Variants in MSI2 observed in about 807,000 individuals in gnomAD.
The protein encoded by MSI2 is musashi RNA binding protein 2, also known as RNA-binding protein Musashi homolog 2.
Under a neutral mutation model 45.6 loss-of-function variants are expected in MSI2, and 17 were observed. The ratio of observed to expected loss-of-function variants is 0.37; its 90% confidence interval spans 0.26 to 0.56. The LOEUF is 0.56. MSI2 is among the 20% of genes least tolerant of loss of function. The pLI, the probability that MSI2 is intolerant of heterozygous loss-of-function variation, is 0.77. For synonymous variants in MSI2, 156 were observed against 158.2 expected (o/e 0.99, Z 0.11); for missense variants, 293 against 444.2 (o/e 0.66, Z 3.06).
At chr17:57,477,977 C>T (rs907828607) in intron 6 of MSI2, among the ~76,000 whole-genome samples, 2 of 152,182 alleles carry the variant, frequency 1.3e-5, no homozygotes, top group African/African-American at 4.8e-5. Context: ...CTCTCTTCTC[C>T]CCACTGCTAG....
intron 6 of MSI2, among the ~76,000 whole-genome samples, chr17:57,443,900 CA>C (rs1402835151): frequency 6.6e-6 from 1 of 152,128 alleles, no homozygotes; most frequent in Non-Finnish European, 1.5e-5. Flanking sequence ...TCTTCCTTAC[CA>C]AAAACTGGGC....
At chr17:57,539,592 T>A (rs192928470) in intron 7 of MSI2, among the ~76,000 whole-genome samples, 9 of 9,734 alleles carry the variant, frequency 9.2e-4, no homozygotes, top group Middle Eastern at 0.12. Context: ...CTCAGGAGGC[T>A]GAGGCAGGAA....
Position 57,270,947 on chromosome 17 carries a change from A to G in MSI2, c.312+8755A>G, listed in dbSNP as rs554924405. 1.3e-3 allele frequency among the ~76,000 whole-genome samples: 204 copies of G among 152,334 alleles called. 1 individual carries two copies. The highest frequency in any genetic ancestry group is 2.1e-3 in the Non-Finnish European group (142 of 68,032). Reference sequence around the variant, plus strand: ...GTCCTGGCTCTCGAGGCGAGATAGCATGCAGCCTTTATCTTGGGGATGCTT... The same window carrying G: ...GTCCTGGCTCTCGAGGCGAGATAGCGTGCAGCCTTTATCTTGGGGATGCTT... On this transcript the variant is annotated intron_variant, in intron 5 of 13. Transcript: ENST00000284073.
intron 6 of MSI2, among the ~76,000 whole-genome samples, chr17:57,454,013 A>G (rs2085065971): frequency 6.6e-6 from 1 of 152,210 alleles, no homozygotes; most frequent in Non-Finnish European, 1.5e-5. Flanking sequence ...GTGTGCTATT[A>G]CCCACCTGTT....
chr17:57,517,852 C>T (rs1355922919), intron 6 of MSI2, among the ~76,000 whole-genome samples: 1 of 152,100 alleles, frequency 6.6e-6, no homozygotes, highest in South Asian at 2.1e-4. Context: ...CAGAGTCCAC[C>T]TCCCATCAGA....
chr17:57,359,005 C>T (rs792378), intron 5 of MSI2, among the ~76,000 whole-genome samples: 128,791 of 152,180 alleles, frequency 0.85, 54,613 homozygotes, highest in Middle Eastern at 0.91. Context: ...GATGCCATTG[C>T]TGGCCAGAAC....
intron 8 of MSI2, among the ~76,000 whole-genome samples, chr17:57,607,168 A>T (rs1192320244): frequency 2.0e-5 from 3 of 152,232 alleles, no homozygotes; most frequent in Non-Finnish European, 4.4e-5. Flanking sequence ...TGTATATGTT[A>T]TGTAATATAT....
Position 57,521,811 on chromosome 17 carries a change from G to A in MSI2, c.406-7865G>A, listed in dbSNP as rs576694915. 3.2e-4 allele frequency among the ~76,000 whole-genome samples: 49 copies of A among 152,288 alleles called. 1 individual carries two copies. The highest frequency in any genetic ancestry group is 7.7e-4 in the East Asian group (4 of 5,182). On this transcript the variant is annotated intron_variant, in intron 6 of 13. Coordinates refer to ENST00000284073, the MANE Select transcript of MSI2 (RefSeq NM_138962.4). Reference sequence around the variant, plus strand: ...GAGTACTGATTTAATAGGTTGGGGTGTGGCCTTGGTGAGCAGTCACGGCTG... The same window carrying A: ...GAGTACTGATTTAATAGGTTGGGGTATGGCCTTGGTGAGCAGTCACGGCTG...
At position 57,450,259 on chromosome 17, in the gene MSI2, G is replaced by GAAAGAAAGAAAGA. The variant is rs1567830562; in HGVS notation, c.405+48791_405+48803dup. ...TGGAAATGGTATTCCCCAGCTTAAA[G>GAAAGAAAGAAAGA]AAAGAAAGAAAGAAAGAAAGAAAGA... is the stretch of plus-strand genomic sequence containing the variant. On this transcript the variant is annotated intron_variant, in intron 6 of 13. Coordinates refer to ENST00000284073, the MANE Select transcript of MSI2 (RefSeq NM_138962.4). 17 of 11,516 alleles carry GAAAGAAAGAAAGA rather than the reference G, an allele frequency of 1.5e-3. No individual in the cohort carries two copies. The Admixed American group carries it at 0.016, about 11-fold the overall frequency. The allele number at this position is 11,516 out of a possible 1,614,324, so 0.7% of individuals were successfully genotyped here. A position where few individuals can be genotyped will look rare whatever the true frequency, so the allele number is the denominator to read the frequency against.
At chr17:57,346,404 G>A (rs1915615641) in intron 5 of MSI2, among the ~76,000 whole-genome samples, 1 of 150,636 alleles carries the variant, frequency 6.6e-6, no homozygotes. Context: ...GGAATTCATT[G>A]ATCTACCCCT....
At chr17:57,694,013 G>A in the MSI2 span, among the ~76,000 whole-genome samples, 1 of 152,206 alleles carries the variant, frequency 6.6e-6, no homozygotes, top group African/African-American at 2.4e-5. Context: ...TCAAATTTCA[G>A]TGTCTATAAA....
rs1171121651 is a variant in MSI2 at position 57,395,660 on chromosome 17, C to T, written c.313-5719C>T. On this transcript the variant is annotated intron_variant, in intron 5 of 13. Coordinates refer to ENST00000284073, the MANE Select transcript of MSI2 (RefSeq NM_138962.4). ...TCTTGGTGTTCGGGAGTTCTGTGAT[C>T]TCAGGCAGCCCTGCTCGTGGGTCTG... Among the ~76,000 whole-genome samples, 8 of 152,162 alleles carry T rather than the reference C, an allele frequency of 5.3e-5. No homozygotes were observed. In the East Asian group the frequency reaches 1.3e-3, roughly 26 times the overall value.
At chr17:57,490,082 T>C (rs1307077005) in intron 6 of MSI2, among the ~76,000 whole-genome samples, 1 of 152,068 alleles carries the variant, frequency 6.6e-6, no homozygotes, top group African/African-American at 2.4e-5. Context: ...ACTGTGGCTC[T>C]CTCCCAGGGC....
intron 7 of MSI2, among the ~76,000 whole-genome samples, chr17:57,585,297 T>G (rs1274967608): frequency 6.6e-6 from 1 of 152,170 alleles, no homozygotes; most frequent in East Asian, 1.9e-4. Context: ...GAGACAAAAG[T>G]AAGCATGTGT....
At chr17:57,545,386 A>G (rs2087141527) in intron 7 of MSI2, among the ~76,000 whole-genome samples, 1 of 152,214 alleles carries the variant, frequency 6.6e-6, no homozygotes, top group Admixed American at 6.5e-5. Context: ...ACCAGCTACC[A>G]TATTTATAGC....
At chr17:57,432,306 G>C (rs1169738928) in intron 6 of MSI2, among the ~76,000 whole-genome samples, 1 of 152,210 alleles carries the variant, frequency 6.6e-6, no homozygotes, top group Non-Finnish European at 1.5e-5. Context: ...ACTGGAGCTG[G>C]TGTCCCTCTT....
At chr17:57,347,277 A>C (rs1016929455) in intron 5 of MSI2, among the ~76,000 whole-genome samples, 3 of 152,206 alleles carry the variant, frequency 2.0e-5, no homozygotes, top group Non-Finnish European at 4.4e-5. Flanking sequence ...AGAAGTGGGA[A>C]TTATCAGAGC....
chr17:57,355,592 A>T (rs1430462227), intron 5 of MSI2, among the ~76,000 whole-genome samples: 1 of 152,182 alleles, frequency 6.6e-6, no homozygotes, highest in Non-Finnish European at 1.5e-5. Flanking sequence ...CTGAATTATA[A>T]TCACATGCTG....
intron 6 of MSI2, among the ~76,000 whole-genome samples, chr17:57,442,210 T>C (rs2084813478): frequency 6.6e-6 from 1 of 152,176 alleles, no homozygotes; most frequent in Admixed American, 6.5e-5. Flanking sequence ...CTAATTTTTG[T>C]ATTTTTAGTT....
Sources: allele counts gnomAD v4.1 joint callset (sites outside exome capture counted in the v4.1 genomes callset), GRCh38; gene constraint gnomAD v4.1.1; transcripts MANE v1.5; gene names NCBI Gene and HGNC (gene_info 2026-07-23, HGNC 2026-07-21).